Variants in RBFOX1 observed in about 807,000 individuals in gnomAD.
RBFOX1 encodes RNA binding fox-1 homolog 1.
In RBFOX1, 8 loss-of-function variants were observed where a neutral mutation model predicts 57.7. That is an observed-to-expected ratio of 0.14 (90% CI 0.08 to 0.25). The LOEUF is 0.25. RBFOX1 is among the 10% of genes least tolerant of loss of function. The pLI, the probability that RBFOX1 is intolerant of heterozygous loss-of-function variation, is 1.00. For synonymous variants in RBFOX1, 326 were observed against 222.4 expected, an observed-to-expected ratio of 1.47 and a Z score of -4.15; for missense variants, 611 against 548.5, an observed-to-expected ratio of 1.11 and a Z score of -1.14.
chr16:6,848,097 G>T (rs2093859311), intron 3 of RBFOX1, among the ~76,000 whole-genome samples: 1 of 152,054 alleles, frequency 6.6e-6, no homozygotes. Context: ...CTCACAAAGT[G>T]CTGGGATTTG....
At chr16:6,814,534 C>T (rs974316366) in intron 3 of RBFOX1, among the ~76,000 whole-genome samples, 1 of 152,156 alleles carries the variant, frequency 6.6e-6, no homozygotes, top group Admixed American at 6.5e-5. Flanking sequence ...AATGACAATC[C>T]TTAGTATGTG....
At chr16:7,144,105 A>G (rs920024539) in intron 4 of RBFOX1, among the ~76,000 whole-genome samples, 3 of 152,196 alleles carry the variant, frequency 2.0e-5, no homozygotes, top group Admixed American at 2.0e-4. Context: ...GTCTTCATAG[A>G]ATTTGCTCCT....
At chr16:7,171,915 C>G (rs2080776444) in intron 4 of RBFOX1, among the ~76,000 whole-genome samples, 1 of 152,158 alleles carries the variant, frequency 6.6e-6, no homozygotes, top group Non-Finnish European at 1.5e-5. Flanking sequence ...GATATATCCT[C>G]AGGTAGAACA....
chr16:7,161,873 T>C (rs776954071), intron 4 of RBFOX1, among the ~76,000 whole-genome samples: 3 of 152,240 alleles, frequency 2.0e-5, no homozygotes, highest in African/African-American at 7.2e-5. Context: ...CCATTTGCAG[T>C]GCCCAGAATG....
rs1555653223 is a variant in RBFOX1, at chr16:6,940,879, G to GTGTGTGTGTGTGTT, written c.-15-111167_-15-111166insGTTTGTGTGTGTGT. ...TGTGTGTGTGTGTGTGTGTGTGTGT[G>GTGTGTGTGTGTGTT]TGTGTGTGTGTTAGAGATGGGGTTT... On this transcript the variant is annotated intron_variant, in intron 3 of 15. Transcript: ENST00000550418. Among the ~76,000 whole-genome samples the GTGTGTGTGTGTGTT allele has an allele frequency of 3.9e-3, 534 of 138,648 alleles. 12 individuals carry two copies. The highest frequency in any genetic ancestry group is 0.015 in the Middle Eastern group (4 of 274). The allele number at this position is 138,648 out of a possible 152,430, so 91.0% of individuals were successfully genotyped here. A position where few individuals can be genotyped will look rare whatever the true frequency, so the allele number is the denominator to read the frequency against.
chr16:5,736,694 C>T (rs1456186822), intron 3 of RBFOX1, among the ~76,000 whole-genome samples: 2 of 152,172 alleles, frequency 1.3e-5, no homozygotes, highest in African/African-American at 4.8e-5. Context: ...TTGTCTGTCT[C>T]TGTCTCTATC....
intron 5 of RBFOX1, among the ~76,000 whole-genome samples, chr16:7,528,293 T>G (rs959244632): frequency 6.6e-6 from 1 of 152,222 alleles, no homozygotes; most frequent in Non-Finnish European, 1.5e-5. Context: ...CTGTATTTAT[T>G]GTCATCAGTT....
intron 2 of RBFOX1, among the ~76,000 whole-genome samples, chr16:5,541,244 T>C (rs961975455): frequency 3.3e-5 from 5 of 152,154 alleles, no homozygotes; most frequent in African/African-American, 1.2e-4. Context: ...AATTTTACTA[T>C]ATGTCTTGCT....
rs1168449932 is a variant in RBFOX1 at position 7,224,127 on chromosome 16, TAAAAAAAAAAA to T, written c.27+172048_27+172058del. ...TTTCTATCCTGATTCTTCCTTTTTC[TAAAAAAAAAAA>T]AAAAAAAAAAAAAAAAAAGGCTCAG... On this transcript the variant is annotated intron_variant, in intron 4 of 15. Coordinates refer to ENST00000550418, the MANE Select transcript of RBFOX1 (RefSeq NM_018723.4). 4.0e-4 allele frequency among the ~76,000 whole-genome samples: 21 copies of T among 52,264 alleles called. 1 individual carries two copies. The highest frequency in any genetic ancestry group is 1.7e-3 in the Admixed American group (5 of 2,894). The allele number at this position is 52,264 out of a possible 152,430, so 34.3% of individuals were successfully genotyped here. A position where few individuals can be genotyped will look rare whatever the true frequency, so the allele number is the denominator to read the frequency against.
At position 5,244,342 on chromosome 16, in the gene RBFOX1, G is replaced by T. The variant is rs1029354491; in HGVS notation, c.219+4237G>T. On this transcript the variant is annotated intron_variant, in intron 1 of 2. Coordinates refer to the RBFOX1 transcript ENST00000585867. The stretch of plus-strand genomic sequence containing the variant: ...CCCACCTAGACTGCAGAGTGGATTT[G>T]GGTGGCATCTTGGCTTTCTGCACAA... 1.3e-5 allele frequency among the ~76,000 whole-genome samples: 2 copies of T among 152,332 alleles called. 1 individual carries two copies. The highest frequency in any genetic ancestry group is 4.1e-4 in the South Asian group (2 of 4,828).
chr16:7,526,884 T>G (rs941605849), intron 5 of RBFOX1, among the ~76,000 whole-genome samples: 1 of 152,178 alleles, frequency 6.6e-6, no homozygotes, highest in African/African-American at 2.4e-5. Context: ...AACAGGCATG[T>G]CAGACCAAAA....
chr16:5,606,871 G>C (rs556756937), intron 3 of RBFOX1, among the ~76,000 whole-genome samples: 1 of 152,302 alleles, frequency 6.6e-6, no homozygotes, highest in African/African-American at 2.4e-5. Context: ...GTCTGTTATA[G>C]TCTGGAAGAG....
chr16:7,647,172 A>C (rs535199084), intron 11 of RBFOX1, among the ~76,000 whole-genome samples: 2 of 152,198 alleles, frequency 1.3e-5, no homozygotes, highest in African/African-American at 4.8e-5. Flanking sequence ...TTACTCTACT[A>C]ACCTCCCCCA....
intron 2 of RBFOX1, among the ~76,000 whole-genome samples, chr16:6,578,985 C>G (rs755837589): frequency 3.3e-5 from 5 of 151,860 alleles, no homozygotes; most frequent in African/African-American, 7.3e-5. Context: ...CGGAAATCAC[C>G]ACTAAAGCAC....
At position 7,080,023 on chromosome 16, in the gene RBFOX1, C is replaced by T. The variant is rs146840294; in HGVS notation, c.27+27925C>T. Among the ~76,000 whole-genome samples, 332 of 125,458 alleles carry T rather than the reference C, an allele frequency of 2.6e-3. 4 individuals carry two copies. Among genetic ancestry groups the T allele is most frequent in the Admixed American group, 0.024 (280 of 11,692 alleles). 82.3% of individuals were successfully genotyped at this position (125,458 alleles called of 152,430 possible). A position where few individuals can be genotyped will look rare whatever the true frequency, so the allele number is the denominator to read the frequency against. On this transcript the variant is annotated intron_variant, in intron 4 of 15. Coordinates refer to ENST00000550418, the MANE Select transcript of RBFOX1 (RefSeq NM_018723.4). ...GTGTATATATATATACATATATATA[C>T]GTATATATGTATATAGATGTATATA... is the stretch of plus-strand genomic sequence containing the variant.
intron 4 of RBFOX1, among the ~76,000 whole-genome samples, chr16:7,486,763 G>A (rs1383498289): frequency 6.6e-6 from 1 of 152,102 alleles, no homozygotes. Context: ...AGAGATCCAG[G>A]CCGTTACTAG....
At chr16:6,718,542 G>T (rs540297124) in intron 3 of RBFOX1, among the ~76,000 whole-genome samples, 1 of 152,290 alleles carries the variant, frequency 6.6e-6, no homozygotes, top group South Asian at 2.1e-4. Flanking sequence ...CAGCATTTTC[G>T]TGGAGACCTG....
intron 3 of RBFOX1, among the ~76,000 whole-genome samples, chr16:6,721,213 C>G (rs1470598015): frequency 1.3e-5 from 2 of 152,158 alleles, no homozygotes; most frequent in Non-Finnish European, 2.9e-5. Context: ...AAGGCCAAGG[C>G]AGGTGGATCA....
chr16:7,308,644 G>C (rs2096246788), intron 4 of RBFOX1, among the ~76,000 whole-genome samples: 1 of 152,306 alleles, frequency 6.6e-6, no homozygotes, highest in African/African-American at 2.4e-5. Context: ...TGAAGCCATT[G>C]CTCACTGTGG....
Sources: gnomAD v4.1 joint callset for allele counts (sites outside exome capture counted in the v4.1 genomes callset) on GRCh38, gnomAD v4.1.1 for gene constraint, MANE v1.5 for transcripts, NCBI Gene and HGNC (gene_info 2026-07-23, HGNC 2026-07-21) for gene names.